The following NOP14 variants were observed in gnomAD, a reference collection of about 807,000 sequenced individuals.
NOP14 encodes NOP14 nucleolar protein.
A neutral mutation model predicts 101.6 loss-of-function variants in NOP14; 57 were observed. The observed-to-expected ratio is 0.56, with a 90% confidence interval of 0.45 to 0.70. The LOEUF is 0.70. Among genes scored for constraint, NOP14 ranks in the 30% least tolerant of loss-of-function variants. The pLI, the probability that NOP14 is intolerant of heterozygous loss-of-function variation, is 0.00. For synonymous variants in NOP14, 428 were observed against 424.0 expected (o/e 1.01, Z -0.12); for missense variants, 1,134 against 1,075.5 (o/e 1.05, Z -0.76).
chr4:2,947,336 G>A (rs1714725303), intron 10 of NOP14, 190 bp downstream of exon 10: 2 of 594,820 alleles, frequency 3.4e-6, no homozygotes, highest in Admixed American at 3.1e-5. Flanking sequence ...AGTGGCTGGA[G>A]CGGCACGTGT....
At chr4:2,962,346 TCATTATA>T (rs2109323464) in intron 1 of NOP14, among the ~76,000 whole-genome samples, 1 of 152,366 alleles carries the variant, frequency 6.6e-6, no homozygotes, top group African/African-American at 2.4e-5. Context: ...TCTTGCCTAT[TCATTATA>T]CAGGCTGTCG....
At chr4:2,955,247 T>C (rs1301394911) in intron 3 of NOP14, among the ~76,000 whole-genome samples, 1 of 36,026 alleles carries the variant, frequency 2.8e-5, no homozygotes, top group Admixed American at 2.6e-4. Flanking sequence ...GCGCCCCCTC[T>C]AGTCACCTGC....
At chr4:2,962,549 T>G (rs1716116666) in intron 1 of NOP14, among the ~76,000 whole-genome samples, 1 of 152,016 alleles carries the variant, frequency 6.6e-6, no homozygotes, top group Non-Finnish European at 1.5e-5. Flanking sequence ...GATATTGAAA[T>G]GTGAATGCAT....
chr4:2,962,661 TAA>T (rs79391581), intron 1 of NOP14, among the ~76,000 whole-genome samples: 1 of 147,682 alleles, frequency 6.8e-6, no homozygotes, highest in South Asian at 2.1e-4. Flanking sequence ...AGTGAAAATT[TAA>T]AAAAAAAAAA....
In NOP14 at chr4:2,948,330, A is replaced by G. The variant is rs878985599; in HGVS notation, c.1361T>C (p.Ile454Thr). 1.2e-6 allele frequency: 2 copies of G among 1,610,416 alleles called. No individual in the cohort carries two copies. The highest frequency in any genetic ancestry group is 3.4e-5 in the Admixed American group (2 of 58,364). Residue 454 changes from isoleucine to threonine, a missense_variant, in exon 9 of 18, where the codon ATT becomes ACT. By Grantham distance (89) the Ile-to-Thr change is moderately conservative (BLOSUM62 -1). Transcript: ENST00000416614. ...MEEQLLVVER[I>T]QKCNHPSLAE... ...GAGACTCGGGTGGTTGCACTTCTGA[A>G]TTCTCTCCACCACCAAAAGCTGCTC... is the stretch of plus-strand genomic sequence containing the variant.
In NOP14 at chr4:2,950,045, C is replaced by T. The variant is rs1412838955; in HGVS notation, c.1171G>A (p.Glu391Lys). ...DLESNVESEEENEKPAKEQRQ... is the reference protein window; with the variant it reads ...DLESNVESEEKNEKPAKEQRQ... ...TGCTCTTTTGCTGGCTTCTCGTTTT[C>T]TTCCTCACTCTCCACGTTGGATTCC... is the stretch of plus-strand genomic sequence containing the variant. Residue 391 changes from glutamate (E) to lysine (K), a missense_variant, in exon 8 of 18, where the codon GAA becomes AAA. Coordinates refer to ENST00000416614, the MANE Select transcript of NOP14 (RefSeq NM_001291978.2). 5 of 1,614,134 alleles carry T rather than the reference C, an allele frequency of 3.1e-6. No homozygotes were observed. The highest frequency in any genetic ancestry group is 4.2e-6 in the Non-Finnish European group (5 of 1,180,002).
intron 6 of NOP14, 29 bp from the exon 7 acceptor site, chr4:2,951,274 A>G (rs747510919): frequency 6.8e-6 from 11 of 1,610,518 alleles, no homozygotes; most frequent in Middle Eastern, 1.7e-4. Flanking sequence ...GATGTCTTAG[A>G]GCACACTCTT....
rs757125879 is a variant in NOP14, at chr4:2,939,202, T to C, written c.2460A>G (p.Ser820=). The part of the protein sequence containing the change: ...DNQFLARMQL[S]EIMERDAERK... ...GTCCCCCTCACCGTTCCATGATTTC[T>C]GAGAGTTGCATCCTCGCCAGGAACT... The change falls in exon 17 of 18, where the codon TCA becomes TCG. Residue 820 remains serine (S), a synonymous_variant. Transcript: ENST00000416614. 3.1e-5 allele frequency: 50 copies of C among 1,613,880 alleles called. No homozygotes were observed. Among genetic ancestry groups the C allele is most frequent in the Non-Finnish European group, 3.8e-5 (45 of 1,180,044 alleles).
intron 7 of NOP14, 110 bp from the exon 8 acceptor site, chr4:2,950,323 A>C: frequency 8.5e-7 from 1 of 1,172,496 alleles, no homozygotes; most frequent in Non-Finnish European, 1.2e-6. Context: ...ACGTGGTTGC[A>C]AGGAACACAA....
At chr4:2,959,604 A>AG (rs1715592891) in intron 1 of NOP14, among the ~76,000 whole-genome samples, 1 of 152,022 alleles carries the variant, frequency 6.6e-6, no homozygotes, top group African/African-American at 2.4e-5. Context: ...AAAACAAAAA[A>AG]AAACAAAAAA....
intron 1 of NOP14, among the ~76,000 whole-genome samples, chr4:2,961,959 G>T (rs1715983234): frequency 6.6e-6 from 1 of 152,180 alleles, no homozygotes; most frequent in African/African-American, 2.4e-5. Context: ...GGGTTACATA[G>T]CTTGGGTGGT....
intron 13 of NOP14, among the ~76,000 whole-genome samples, chr4:2,942,848 G>T (rs1364795877): frequency 6.7e-6 from 1 of 149,976 alleles, no homozygotes; most frequent in Non-Finnish European, 1.5e-5. Flanking sequence ...GTAGGACGCA[G>T]GAGTCAATTC....
intron 1 of NOP14, among the ~76,000 whole-genome samples, chr4:2,960,676 T>TATTAATATTATAATTACATTAATATTAA (rs1553864549): frequency 8.4e-5 from 8 of 94,810 alleles, no homozygotes; most frequent in African/African-American, 3.0e-4. Flanking sequence ...TATATTAATA[T>TATTAATATTATAATTACATTAATATTAA]TATATTAATA....
intron 12 of NOP14, among the ~76,000 whole-genome samples, 186 bp from the exon 13 acceptor site, chr4:2,944,412 T>A (rs1714454593): frequency 1.5e-5 from 1 of 67,148 alleles, no homozygotes; most frequent in Non-Finnish European, 3.5e-5. Flanking sequence ...GCTTTAGTGA[T>A]TTTTTTTTCC....
chr4:2,959,450 G>A (rs939543968), intron 1 of NOP14, among the ~76,000 whole-genome samples: 19 of 152,104 alleles, frequency 1.2e-4, no homozygotes, highest in Non-Finnish European at 2.2e-4. Context: ...AAAATTAGCC[G>A]GGTGTGGTGG....
intron 6 of NOP14, 73 bp from the exon 7 acceptor site, chr4:2,951,318 C>T (rs1436388884): frequency 4.1e-6 from 6 of 1,455,232 alleles, no homozygotes; most frequent in Non-Finnish European, 5.7e-6. Context: ...GCAGTCCTGC[C>T]CTGGGCAGCG....
intron 7 of NOP14, chr4:2,950,601 C>CGGTGGTCGCCGTATCATTAAAAAAATTT: frequency 4.1e-6 from 1 of 243,194 alleles, no homozygotes; most frequent in Non-Finnish European, 8.0e-6. Context: ...GTGTGGATCT[C>CGGTGGTCGCCGTATCATTAAAAAAATTT]TTCTGCTTGA....
chr4:2,959,472 A>G (rs1203748151), intron 1 of NOP14, among the ~76,000 whole-genome samples: 1 of 152,144 alleles, frequency 6.6e-6, no homozygotes, highest in Non-Finnish European at 1.5e-5. Context: ...GGGCGCCTGT[A>G]GTCCCAGCTA....
Position 2,963,176 on chromosome 4 carries a change from C to A in NOP14, c.144G>T (p.Thr48=), listed in dbSNP as rs1577869153. 6.3e-7 allele frequency: 1 copy of A among 1,580,440 alleles called. No homozygotes were observed. Among genetic ancestry groups the A allele is most frequent in the Non-Finnish European group, 8.6e-7 (1 of 1,165,954 alleles). The change falls in exon 1 of 18, where the codon ACG becomes ACT. Residue 48 remains threonine, a synonymous_variant. Transcript: ENST00000416614. ...RQKFQILGRK[T]RHDVGLPGVS... ...CCCCGGGCAGTCCCACGTCGTGGCG[C>A]GTCTTCCGGCCCAGGATCTGGAACT...
Sources: allele counts gnomAD v4.1 joint callset (sites outside exome capture counted in the v4.1 genomes callset), GRCh38; gene constraint gnomAD v4.1.1; transcripts MANE v1.5; gene names NCBI Gene and HGNC (gene_info 2026-07-23, HGNC 2026-07-21).